The following FRMD3 variants were observed in gnomAD, a reference collection of about 807,000 sequenced individuals.
FRMD3 encodes the protein FERM domain containing 3.
FRMD3 carries 33 observed loss-of-function variants against 70.2 expected under a neutral mutation model. The ratio of observed to expected loss-of-function variants is 0.47; its 90% confidence interval spans 0.36 to 0.63. The LOEUF (loss-of-function observed/expected upper bound fraction) is 0.63. FRMD3 is among the 20% of genes least tolerant of loss of function. The probability of loss-of-function intolerance (pLI) is 0.00; values close to 1 mark genes in which losing one functional copy is unlikely to be tolerated. For missense variants in FRMD3, 632 were observed against 711.4 expected (o/e 0.89, Z 1.27); for synonymous variants, 279 against 255.9 (o/e 1.09, Z -0.86).
chr9:83,350,051 A>C (rs1329856579), intron 3 of FRMD3, among the ~76,000 whole-genome samples: 1 of 152,184 alleles, frequency 6.6e-6, no homozygotes, highest in Non-Finnish European at 1.5e-5. Context: ...CATTCTCTCC[A>C]GCACACAGCT....
intron 13 of FRMD3, among the ~76,000 whole-genome samples, chr9:83,281,898 G>A (rs1158149850): frequency 6.6e-6 from 1 of 152,178 alleles, no homozygotes; most frequent in Non-Finnish European, 1.5e-5. Context: ...ACCCTGTCCC[G>A]TATACACACG....
chr9:83,514,999 A>G (rs1242114071), intron 1 of FRMD3, among the ~76,000 whole-genome samples: 2 of 152,228 alleles, frequency 1.3e-5, no homozygotes, highest in Non-Finnish European at 2.9e-5. Flanking sequence ...AAATCCATGA[A>G]GAAGAGGAAA....
At chr9:83,370,013 C>T (rs545836983) in intron 3 of FRMD3, among the ~76,000 whole-genome samples, 2 of 152,218 alleles carry the variant, frequency 1.3e-5, no homozygotes, top group Non-Finnish European at 2.9e-5. Context: ...CTTCAGCCAA[C>T]CCTGGGAAAC....
intron 1 of FRMD3, among the ~76,000 whole-genome samples, chr9:83,507,179 G>A (rs1829201695): frequency 6.6e-6 from 1 of 151,678 alleles, no homozygotes; most frequent in Non-Finnish European, 1.5e-5. Flanking sequence ...TGGCCAACAT[G>A]GTGAAACTGA....
chr9:83,408,278 TG>T (rs1177901900), intron 1 of FRMD3, among the ~76,000 whole-genome samples: 2 of 152,216 alleles, frequency 1.3e-5, no homozygotes, highest in African/African-American at 4.8e-5. Flanking sequence ...ACAAGCTGTA[TG>T]AACCAAGCTT....
At chr9:83,332,342 A>C (rs2131131133) in intron 6 of FRMD3, among the ~76,000 whole-genome samples, 1 of 152,156 alleles carries the variant, frequency 6.6e-6, no homozygotes, top group South Asian at 2.1e-4. Context: ...TGGTCTTCTT[A>C]AAACTCCAAG....
chr9:83,532,081 C>G (rs1829801944), intron 1 of FRMD3, among the ~76,000 whole-genome samples: 1 of 152,216 alleles, frequency 6.6e-6, no homozygotes. Context: ...GTGCCAGGTA[C>G]TAAGCTAAGC....
chr9:83,527,064 T>C (rs1334004408), intron 1 of FRMD3, among the ~76,000 whole-genome samples: 1 of 152,104 alleles, frequency 6.6e-6, no homozygotes, highest in Admixed American at 6.6e-5. Flanking sequence ...GGGGCCCCTA[T>C]GCCTCCAGGG....
intron 13 of FRMD3, 115 bp downstream of exon 13, chr9:83,290,488 C>A: frequency 8.6e-7 from 1 of 1,160,776 alleles, no homozygotes; most frequent in South Asian, 1.3e-5. Flanking sequence ...TAGTTTATGG[C>A]CCACTCCACC....
intron 1 of FRMD3, among the ~76,000 whole-genome samples, chr9:83,448,216 A>G (rs3860927): frequency 0.11 from 16,789 of 152,224 alleles, 954 homozygotes; most frequent in East Asian, 0.15. Flanking sequence ...AAGAAACAGT[A>G]TATTACCTAC....
rs1358007908 is a variant in FRMD3, at chr9:83,531,183, C to T, written c.147+6902G>A. On this transcript the variant is annotated intron_variant, in intron 1 of 13. Transcript: ENST00000304195. The stretch of plus-strand genomic sequence containing the variant: ...CAAATGGCAAGAAGAGGCAAAGGAA[C>T]CCCAGAGAAACAGAGCCACAGTCCT... 2.6e-5 allele frequency among the ~76,000 whole-genome samples: 4 copies of T among 152,112 alleles called. No individual in the cohort carries two copies. In the East Asian group the frequency reaches 7.7e-4, roughly 29 times the overall value.
chr9:83,507,737 T>TA (rs1554713919), intron 1 of FRMD3, among the ~76,000 whole-genome samples: 2 of 106,826 alleles, frequency 1.9e-5, no homozygotes, highest in Non-Finnish European at 4.1e-5. Flanking sequence ...TATATATATA[T>TA]ATCTTCTGGA....
chr9:83,486,698 T>TAC (rs1268455017), intron 1 of FRMD3, among the ~76,000 whole-genome samples: 1 of 152,170 alleles, frequency 6.6e-6, no homozygotes, highest in East Asian at 1.9e-4. Context: ...GCTTTTTCAT[T>TAC]ACAAAAGAAA....
At chr9:83,503,892 A>G (rs919699208) in intron 1 of FRMD3, among the ~76,000 whole-genome samples, 5 of 152,196 alleles carry the variant, frequency 3.3e-5, no homozygotes, top group African/African-American at 1.2e-4. Context: ...AAGGAAAAGG[A>G]AGATATAGCT....
At chr9:83,379,652 C>A (rs982848952) in intron 2 of FRMD3, among the ~76,000 whole-genome samples, 7 of 152,152 alleles carry the variant, frequency 4.6e-5, no homozygotes, top group Non-Finnish European at 8.8e-5. Context: ...AAGGCATCTG[C>A]AGCAGATACT....
intron 1 of FRMD3, among the ~76,000 whole-genome samples, chr9:83,398,667 T>A (rs1476052433): frequency 1.3e-5 from 2 of 152,132 alleles, no homozygotes; most frequent in African/African-American, 4.8e-5. Context: ...AATAATAAAA[T>A]TTTTAAAAGA....
chr9:83,563,205 C>T, the FRMD3 span, among the ~76,000 whole-genome samples: 2 of 152,112 alleles, frequency 1.3e-5, no homozygotes, highest in Non-Finnish European at 2.9e-5. Flanking sequence ...CAGCCCCCTA[C>T]CCCTACACCT....
intron 1 of FRMD3, among the ~76,000 whole-genome samples, chr9:83,493,561 G>A (rs1457593759): frequency 2.0e-5 from 3 of 152,300 alleles, no homozygotes; most frequent in East Asian, 1.9e-4. Flanking sequence ...GGGAAGCTCC[G>A]AGTTAAAAAC....
In FRMD3 at chr9:83,343,412, TGCCCA is replaced by T. The variant is rs557152681; in HGVS notation, c.375-130_375-126del. 734 of 648,616 alleles carry T rather than the reference TGCCCA, an allele frequency of 1.1e-3. 3 individuals carry two copies. In the African/African-American group the frequency reaches 0.012, roughly 11 times the overall value. The allele number at this position is 648,616 out of a possible 1,614,324, so 40.2% of individuals were successfully genotyped here. On this transcript the variant is annotated intron_variant, in intron 4 of 13. Transcript: ENST00000304195. ...CCAGCTCTAGAGACTGGCTTAGACA[TGCCCA>T]GCCCTTTGTAGAACAAGCAGAGGAA...
Sources: allele counts gnomAD v4.1 joint callset (sites outside exome capture counted in the v4.1 genomes callset), GRCh38; gene constraint gnomAD v4.1.1; transcripts MANE v1.5; gene names NCBI Gene and HGNC (gene_info 2026-07-23, HGNC 2026-07-21).